Variants in NSD3 observed in about 807,000 individuals in gnomAD.
The protein encoded by NSD3 is histone-lysine N-methyltransferase NSD3.
Under a neutral mutation model 160.8 loss-of-function variants are expected in NSD3, and 24 were observed. The observed-to-expected ratio is 0.15, with a 90% CI of 0.11 to 0.21. The LOEUF (loss-of-function observed/expected upper bound fraction) is 0.21. NSD3 is among the 10% of genes least tolerant of loss of function. The probability of loss-of-function intolerance (pLI) is 1.00; values close to 1 mark genes in which losing one functional copy is unlikely to be tolerated. For missense variants in NSD3, 1,157 were observed against 1,735.9 expected (o/e 0.67, Z 5.93); for synonymous variants, 520 against 600.0 (o/e 0.87, Z 1.95).
intron 16 of NSD3, among the ~76,000 whole-genome samples, chr8:38,293,279 C>T (rs1014851289): frequency 4.0e-5 from 6 of 151,736 alleles, no homozygotes; most frequent in Admixed American, 2.0e-4. Context: ...AGGCTGGGTG[C>T]AGTGGCTCAT....
In NSD3 at chr8:38,318,257, T is replaced by A. The variant is rs1030214130; in HGVS notation, c.1855+638A>T. On this transcript the variant is annotated intron_variant, in intron 9 of 23. Transcript: ENST00000317025. The surrounding 1 kb of genome is among the most constrained non-coding windows in gnomAD (Gnocchi z 5.3). ...ATAATGCAATTTGCCCAGAGTAAACTACAGGTATTAAATACAGTTTGATCT... is the reference window on the plus strand; with the variant it reads ...ATAATGCAATTTGCCCAGAGTAAACAACAGGTATTAAATACAGTTTGATCT... 6.6e-6 allele frequency among the ~76,000 whole-genome samples: 1 copy of A among 152,130 alleles called. No homozygotes were observed. The highest frequency in any genetic ancestry group is 2.4e-5 in the African/African-American group (1 of 41,422).
intron 2 of NSD3, among the ~76,000 whole-genome samples, chr8:38,340,545 C>T (rs1363024378): frequency 6.6e-6 from 1 of 151,200 alleles, no homozygotes; most frequent in Non-Finnish European, 1.5e-5. Context: ...GCCATGTTGG[C>T]CAGGCTGGTC....
In NSD3 at chr8:38,337,482, C is replaced by CA. The variant is rs1490429766; in HGVS notation, c.748-16dup. ...ATTGGCTGAACCTACAGGAAAGGGT[C>CA]AAAAAACTTCATCAGAAATTCAAAA... On this transcript the variant is annotated splice_polypyrimidine_tract_variant and intron_variant, in intron 3 of 23. Coordinates refer to ENST00000317025, the MANE Select transcript of NSD3 (RefSeq NM_023034.2). 1.3e-6 allele frequency: 2 copies of CA among 1,529,430 alleles called. No individual in the cohort carries two copies. The highest frequency in any genetic ancestry group is 4.8e-5 in the Admixed American group (2 of 41,794). 94.7% of individuals were successfully genotyped at this position (1,529,430 alleles called of 1,614,324 possible). A position where few individuals can be genotyped will look rare whatever the true frequency, so the allele number is the denominator to read the frequency against.
rs189964996 is a variant in NSD3, at chr8:38,301,959, A to G, written c.2612-2369T>C. 6.9e-4 allele frequency among the ~76,000 whole-genome samples: 105 copies of G among 152,348 alleles called. 1 individual carries two copies. Among genetic ancestry groups the G allele is most frequent in the African/African-American group, 2.5e-3 (102 of 41,576 alleles). ...AATGTTAAGTAACTTATTTTACACA[A>G]CCCTCTAAGATGAAAGGAGATGCTA... On this transcript the variant is annotated intron_variant, in intron 14 of 23. Coordinates refer to ENST00000317025, the MANE Select transcript of NSD3 (RefSeq NM_023034.2).
intron 1 of NSD3, among the ~76,000 whole-genome samples, chr8:38,374,537 G>A (rs538240001): frequency 1.6e-4 from 25 of 151,998 alleles, no homozygotes; most frequent in African/African-American, 6.0e-4. Context: ...CATGAAGACT[G>A]CTTGAGCCCA....
intron 7 of NSD3, among the ~76,000 whole-genome samples, chr8:38,325,499 CTAATA>C (rs1200466036): frequency 2.6e-5 from 4 of 152,170 alleles, no homozygotes; most frequent in African/African-American, 9.7e-5. Context: ...AGAAATACTA[CTAATA>C]TAATACTGTT....
intron 2 of NSD3, among the ~76,000 whole-genome samples, chr8:38,342,601 C>T (rs1311529058): frequency 6.6e-6 from 1 of 151,660 alleles, no homozygotes; most frequent in Admixed American, 6.6e-5. Flanking sequence ...CAGAGTCTTG[C>T]TCTGTTGCCA....
intron 16 of NSD3, among the ~76,000 whole-genome samples, chr8:38,294,245 G>A (rs1163402607): frequency 6.6e-6 from 1 of 151,996 alleles, no homozygotes; most frequent in Non-Finnish European, 1.5e-5. Flanking sequence ...CACATGGCAC[G>A]CCACTATGCC....
At position 38,270,468 on chromosome 8, in the gene NSD3, TACTC is replaced by T. The variant is rs1213706803; in HGVS notation, c.*5169_*5172del. The T allele has an allele frequency of 6.6e-6, 1 of 152,250 alleles. No individual in the cohort carries two copies. Among genetic ancestry groups the T allele is most frequent in the Non-Finnish European group, 1.5e-5 (1 of 68,050 alleles). The allele number at this position is 152,250 out of a possible 1,614,324, so 9.4% of individuals were successfully genotyped here. A position where few individuals can be genotyped will look rare whatever the true frequency, so the allele number is the denominator to read the frequency against. ...AAAAAATGATATTAGCCAGTTGTAA[TACTC>T]ATTTAGCATCTTGATTATTAGTGGC... On this transcript the variant is annotated 3_prime_UTR_variant, in exon 24 of 24. Coordinates refer to ENST00000317025, the MANE Select transcript of NSD3 (RefSeq NM_023034.2).
intron 21 of NSD3, 48 bp downstream of exon 21, chr8:38,279,492 T>G: frequency 6.2e-7 from 1 of 1,605,306 alleles, no homozygotes; most frequent in Non-Finnish European, 8.5e-7. Flanking sequence ...CTATAGGATA[T>G]TCTTTCTTCC....
chr8:38,309,325 G>A (rs551550094), intron 12 of NSD3, among the ~76,000 whole-genome samples: 4 of 152,128 alleles, frequency 2.6e-5, no homozygotes, highest in South Asian at 2.1e-4. Flanking sequence ...AAAATTAGTC[G>A]GGCGTGGTGG....
At chr8:38,363,710 A>T (rs964139752) in intron 1 of NSD3, among the ~76,000 whole-genome samples, 2 of 151,796 alleles carry the variant, frequency 1.3e-5, no homozygotes, top group Non-Finnish European at 2.9e-5. Context: ...TCTCTCCTAG[A>T]GCCTCCAGAA....
In NSD3 at chr8:38,321,246, C is replaced by T; in HGVS notation, c.1709-74G>A. On this transcript the variant is annotated intron_variant, in intron 7 of 23. Coordinates refer to ENST00000317025, the MANE Select transcript of NSD3 (RefSeq NM_023034.2). The surrounding 1 kb of genome is among the most constrained non-coding windows in gnomAD (Gnocchi z 4.7). Reference sequence around the variant, plus strand: ...TGACATCTATGTAATTAAGATATGACCACATTCCTTGCTTTTCTTACCCAT... The same window carrying T: ...TGACATCTATGTAATTAAGATATGATCACATTCCTTGCTTTTCTTACCCAT... 3 of 1,233,426 alleles carry T rather than the reference C, an allele frequency of 2.4e-6. No homozygotes were observed. The highest frequency in any genetic ancestry group is 2.3e-6 in the Non-Finnish European group (2 of 885,478). The allele number at this position is 1,233,426 out of a possible 1,614,324, so 76.4% of individuals were successfully genotyped here.
At chr8:38,297,858 G>A (rs1336830654) in intron 15 of NSD3, among the ~76,000 whole-genome samples, 3 of 152,036 alleles carry the variant, frequency 2.0e-5, no homozygotes, top group South Asian at 2.1e-4. Flanking sequence ...CCAGCAGGGA[G>A]AAAAGTCTGC....
intron 15 of NSD3, among the ~76,000 whole-genome samples, chr8:38,296,749 A>G (rs1335616865): frequency 6.6e-6 from 1 of 151,750 alleles, no homozygotes; most frequent in Non-Finnish European, 1.5e-5. Flanking sequence ...ATATACATAT[A>G]CAGAGAATAT....
rs189586340 is a variant in NSD3, at chr8:38,342,805, G to T, written c.676-4198C>A. On this transcript the variant is annotated intron_variant, in intron 2 of 23. Transcript: ENST00000317025. Reference sequence around the variant, plus strand: ...GATCTCTTGACCTTGTGATCCGCCCGCCTCGGCCTCCCAAAGTGCTGGGAT... The same window carrying T: ...GATCTCTTGACCTTGTGATCCGCCCTCCTCGGCCTCCCAAAGTGCTGGGAT... Among the ~76,000 whole-genome samples, 243 of 152,044 alleles carry T rather than the reference G, an allele frequency of 1.6e-3. 1 individual carries two copies. In the East Asian group the frequency reaches 0.023, roughly 14 times the overall value.
chr8:38,301,741 A>G (rs1203292354), intron 14 of NSD3, among the ~76,000 whole-genome samples: 1 of 152,242 alleles, frequency 6.6e-6, no homozygotes, highest in Non-Finnish European at 1.5e-5. Context: ...TATTTAATCT[A>G]GGTTTCAGTG....
rs1014123273 is a variant in NSD3, at chr8:38,270,090, C to T, written c.*5551G>A. On this transcript the variant is annotated 3_prime_UTR_variant, in exon 24 of 24. Coordinates refer to ENST00000317025, the MANE Select transcript of NSD3 (RefSeq NM_023034.2). The stretch of plus-strand genomic sequence containing the variant: ...TATGTGGCAACATCAAGTCATTATA[C>T]AGTAATGCCCTAGTGGAACACCCCC... 1 of 152,140 alleles carries T rather than the reference C, an allele frequency of 6.6e-6. No individual in the cohort carries two copies. The highest frequency in any genetic ancestry group is 2.4e-5 in the African/African-American group (1 of 41,406). The allele number at this position is 152,140 out of a possible 1,614,324, so 9.4% of individuals were successfully genotyped here.
At chr8:38,376,758 G>A (rs1016120161) in intron 1 of NSD3, among the ~76,000 whole-genome samples, 5 of 152,008 alleles carry the variant, frequency 3.3e-5, no homozygotes, top group African/African-American at 9.7e-5. Flanking sequence ...ATACTTTAAG[G>A]AAGTAATAGG....
Sources: gnomAD v4.1 joint callset for allele counts (sites outside exome capture counted in the v4.1 genomes callset) on GRCh38, gnomAD v4.1.1 for gene constraint, Gnocchi (gnomAD v3.1) non-coding constraint, MANE v1.5 for transcripts, NCBI Gene and HGNC (gene_info 2026-07-23, HGNC 2026-07-21) for gene names.